The following HS3ST5 variants were observed in gnomAD, a reference collection of about 807,000 sequenced individuals.
HS3ST5 encodes the protein heparan sulfate glucosamine 3-O-sulfotransferase 5.
HS3ST5 carries 10 observed loss-of-function variants against 25.4 expected under a neutral mutation model. The ratio of observed to expected loss-of-function variants is 0.39; its 90% CI spans 0.24 to 0.67. The LOEUF is 0.67. Ranked by LOEUF, HS3ST5 falls within the 30% of genes least tolerant of loss-of-function variation. HS3ST5 has a pLI of 0.44. For missense variants in HS3ST5, 324 were observed against 420.7 expected (o/e 0.77, Z 2.01); for synonymous variants, 170 against 162.4 (o/e 1.05, Z -0.36).
chr6:114,097,072 A>G (rs891358280), intron 3 of HS3ST5, among the ~76,000 whole-genome samples: 6 of 152,032 alleles, frequency 3.9e-5, no homozygotes, highest in African/African-American at 1.4e-4. Flanking sequence ...TTTCCTGATT[A>G]CTTTTCTTCC....
At chr6:114,333,022 C>T (rs1776465672) in intron 1 of HS3ST5, among the ~76,000 whole-genome samples, 1 of 152,048 alleles carries the variant, frequency 6.6e-6, no homozygotes, top group Admixed American at 6.6e-5. Flanking sequence ...GTAAGGGATG[C>T]TGCAGGTTAG....
In HS3ST5 at chr6:114,155,967, C is replaced by T. The variant is rs553533982; in HGVS notation, c.-33+12384G>A. 2.0e-5 allele frequency among the ~76,000 whole-genome samples: 3 copies of T among 152,144 alleles called. No homozygotes were observed. The South Asian group carries it at 6.2e-4, about 31-fold the overall frequency. ...TGGACCATACTGTAAGTAACAGCCA[C>T]CAGGAAAAAAACAAATCCTGAGGAA... On this transcript the variant is annotated intron_variant, in intron 3 of 4. Transcript: ENST00000312719.
chr6:114,084,523 G>A, intron 3 of HS3ST5: 2 of 758,972 alleles, frequency 2.6e-6, no homozygotes, highest in East Asian at 2.4e-5. Context: ...TTCCCGAGCC[G>A]GCGTCCACCG....
At chr6:114,174,612 A>C (rs938031210) in intron 2 of HS3ST5, among the ~76,000 whole-genome samples, 1 of 152,338 alleles carries the variant, frequency 6.6e-6, no homozygotes, top group South Asian at 2.1e-4. Flanking sequence ...ATATGGGTTA[A>C]CACTAATGTT....
intron 1 of HS3ST5, among the ~76,000 whole-genome samples, chr6:114,243,928 G>T (rs1772260157): frequency 6.6e-6 from 1 of 152,168 alleles, no homozygotes; most frequent in African/African-American, 2.4e-5. Flanking sequence ...CTTTTGTGAT[G>T]CCAAATTAGA....
At chr6:114,067,748 A>T (rs1465317854) in intron 3 of HS3ST5, among the ~76,000 whole-genome samples, 1 of 152,064 alleles carries the variant, frequency 6.6e-6, no homozygotes, top group Non-Finnish European at 1.5e-5. Flanking sequence ...GTACCTTCCT[A>T]TCTACTGTGA....
chr6:114,080,948 C>T (rs1264428050), intron 3 of HS3ST5, among the ~76,000 whole-genome samples: 2 of 152,006 alleles, frequency 1.3e-5, no homozygotes, highest in African/African-American at 4.8e-5. Context: ...GAAATTACAA[C>T]AAAAGTAATA....
chr6:114,281,162 C>G (rs1774091311), intron 1 of HS3ST5, among the ~76,000 whole-genome samples: 1 of 151,980 alleles, frequency 6.6e-6, no homozygotes. Flanking sequence ...TCTCTGATCC[C>G]TTCCAATGTA....
At chr6:114,317,619 G>A (rs1413703250) in intron 1 of HS3ST5, among the ~76,000 whole-genome samples, 6 of 151,986 alleles carry the variant, frequency 3.9e-5, no homozygotes, top group Non-Finnish European at 5.9e-5. Context: ...GATATTTATT[G>A]AGTACCTATA....
In HS3ST5 at chr6:114,055,836, C is replaced by A. The variant is rs556362195; in HGVS notation, c.*1421G>T. 1 of 152,238 alleles carries A rather than the reference C, an allele frequency of 6.6e-6. No homozygotes were observed. The highest frequency in any genetic ancestry group is 2.1e-4 in the South Asian group (1 of 4,822). The allele number at this position is 152,238 out of a possible 1,614,324, so 9.4% of individuals were successfully genotyped here. The stretch of plus-strand genomic sequence containing the variant: ...CTTTTTGTTGTCGTTGTTAATACCC[C>A]TTTCCACATTTTACTGAATATATTT... On this transcript the variant is annotated 3_prime_UTR_variant, in exon 5 of 5. Transcript: ENST00000312719.
chr6:114,070,463 T>C (rs1427645952), intron 3 of HS3ST5, among the ~76,000 whole-genome samples: 1 of 152,154 alleles, frequency 6.6e-6, no homozygotes, highest in Non-Finnish European at 1.5e-5. Flanking sequence ...AAGCCACTTA[T>C]AATTAAAACT....
At chr6:114,164,937 C>T (rs939700664) in intron 3 of HS3ST5, among the ~76,000 whole-genome samples, 2 of 152,168 alleles carry the variant, frequency 1.3e-5, no homozygotes, top group African/African-American at 2.4e-5. Flanking sequence ...TCAACATCTA[C>T]AAGGTCAAAA....
chr6:114,121,992 C>T (rs770747661), intron 3 of HS3ST5, among the ~76,000 whole-genome samples: 25 of 152,210 alleles, frequency 1.6e-4, no homozygotes, highest in Non-Finnish European at 3.7e-4. Context: ...AGATGCCAGG[C>T]GCTGCTACCT....
intron 3 of HS3ST5, among the ~76,000 whole-genome samples, chr6:114,113,888 C>G (rs1053318796): frequency 6.6e-6 from 1 of 151,868 alleles, no homozygotes; most frequent in African/African-American, 2.4e-5. Context: ...AAGTAGGATG[C>G]CTGTGTATCA....
At chr6:114,250,273 GAA>G (rs1470018770) in intron 1 of HS3ST5, among the ~76,000 whole-genome samples, 4 of 152,134 alleles carry the variant, frequency 2.6e-5, no homozygotes, top group Non-Finnish European at 4.4e-5. Flanking sequence ...ACTAGAATAT[GAA>G]AGAGATTTTA....
intron 1 of HS3ST5, among the ~76,000 whole-genome samples, chr6:114,299,033 G>A (rs1774952196): frequency 6.6e-6 from 1 of 152,196 alleles, no homozygotes; most frequent in African/African-American, 2.4e-5. Context: ...CTGACCGCTG[G>A]TGAGCCGGGC....
intron 3 of HS3ST5, among the ~76,000 whole-genome samples, chr6:114,142,384 A>G (rs759283036): frequency 6.6e-6 from 1 of 152,182 alleles, no homozygotes; most frequent in Non-Finnish European, 1.5e-5. Context: ...TGATGTCAAC[A>G]ATCTTCCTTT....
At chr6:114,250,329 C>G (rs1772594494) in intron 1 of HS3ST5, among the ~76,000 whole-genome samples, 1 of 152,160 alleles carries the variant, frequency 6.6e-6, no homozygotes, top group Non-Finnish European at 1.5e-5. Flanking sequence ...GGCCTGTAAT[C>G]CCAGCACTTT....
rs141783526 is a variant in HS3ST5 at position 114,066,816 on chromosome 6, A to G, written c.-32-3939T>C. 5.4e-3 allele frequency among the ~76,000 whole-genome samples: 829 copies of G among 152,182 alleles called. 9 individuals are homozygous for G. Among genetic ancestry groups the G allele is most frequent in the African/African-American group, 0.015 (612 of 41,506 alleles). Reference sequence around the variant, plus strand: ...CTCCCTTGTTCCTTAACATTTGGGTATGCTCCCCTTGTTCATTTTCTATGG... The same window carrying G: ...CTCCCTTGTTCCTTAACATTTGGGTGTGCTCCCCTTGTTCATTTTCTATGG... On this transcript the variant is annotated intron_variant, in intron 3 of 4. Coordinates refer to ENST00000312719, the MANE Select transcript of HS3ST5 (RefSeq NM_153612.4).
Sources: allele counts gnomAD v4.1 joint callset (sites outside exome capture counted in the v4.1 genomes callset), GRCh38; gene constraint gnomAD v4.1.1; transcripts MANE v1.5; gene names NCBI Gene and HGNC (gene_info 2026-07-23, HGNC 2026-07-21).